The following ATP7B variants were observed in gnomAD, a reference collection of about 807,000 sequenced individuals.
ATP7B encodes the protein copper-transporting ATPase 2.
Under a neutral mutation model 118.9 loss-of-function variants are expected in ATP7B, and 113 were observed. That is an observed-to-expected ratio of 0.95 (90% CI 0.82 to 1.11). The LOEUF (loss-of-function observed/expected upper bound fraction) is 1.11. ATP7B is among the 50% of genes most tolerant of loss of function. The pLI is 0.00. For synonymous variants in ATP7B, 777 were observed against 727.4 expected (o/e 1.07, Z -1.10); for missense variants, 1,867 against 1,871.4 (o/e 1.00, Z 0.04).
chr13:52,008,588 A>G (rs1224250325), intron 1 of ATP7B, among the ~76,000 whole-genome samples: 1 of 152,218 alleles, frequency 6.6e-6, no homozygotes, highest in Non-Finnish European at 1.5e-5. Context: ...ATGAATAACA[A>G]AAGATGCTCT....
At chr13:51,942,355 A>C (rs760666435) in intron 15 of ATP7B, 31 bp downstream of exon 15, 6 of 1,613,014 alleles carry the variant, frequency 3.7e-6, no homozygotes, top group Non-Finnish European at 5.1e-6. Context: ...CTCTACTTTT[A>C]ACCAGCTGCA....
At chr13:51,960,669 T>C (rs910771187) in intron 6 of ATP7B, among the ~76,000 whole-genome samples, 1 of 152,206 alleles carries the variant, frequency 6.6e-6, no homozygotes, top group Non-Finnish European at 1.5e-5. Context: ...TGGTTGCCTA[T>C]AGCTTTCTTT....
chr13:51,937,638 G>C lies in ATP7B; in HGVS notation c.3741C>G (p.His1247Gln), dbSNP rs767464491. The change falls in exon 18 of 21, where the codon CAC becomes CAG. Residue 1247 changes from histidine (H) to glutamine (Q), a missense_variant. Coordinates refer to ENST00000242839, the MANE Select transcript of ATP7B (RefSeq NM_000053.4). Reference sequence around the variant, plus strand: ...GGAGCTCCTGGACCTTGGCCACCTTGTGCGAAGGCAGCACCTCTGCAAAGA... The same window carrying C: ...GGAGCTCCTGGACCTTGGCCACCTTCTGCGAAGGCAGCACCTCTGCAAAGA... ...NKVFAEVLPS[H>Q]KVAKVQELQN... is the part of the protein sequence containing the mutation. 6.2e-6 allele frequency: 10 copies of C among 1,614,140 alleles called. No individual in the cohort carries two copies. In the East Asian group the frequency reaches 6.7e-5, roughly 11 times the overall value.
chr13:51,965,013 C>A lies in ATP7B; in HGVS notation c.1728G>T (p.Ala576=). The stretch of plus-strand genomic sequence containing the variant: ...TGGACTCTATGTTGTGGACACAGGA[C>A]GCGCAGGTCATCCCTGTGATCTGCA... The part of the protein sequence containing the change: ...IELTITGMTC[A]SCVHNIESKL... The change falls in exon 5 of 21, where the codon GCG becomes GCT. Residue 576 remains alanine (A), a synonymous_variant. Transcript: ENST00000242839. 1.2e-6 allele frequency: 2 copies of A among 1,614,086 alleles called. No individual in the cohort carries two copies. Among genetic ancestry groups the A allele is most frequent in the Non-Finnish European group, 1.7e-6 (2 of 1,180,036 alleles).
At chr13:52,008,945 A>G (rs1267909252) in intron 1 of ATP7B, among the ~76,000 whole-genome samples, 4 of 151,748 alleles carry the variant, frequency 2.6e-5, no homozygotes, top group Admixed American at 2.0e-4. Context: ...TGGGATCACA[A>G]CTCACTGTAG....
chr13:51,985,256 G>A (rs185368952), intron 1 of ATP7B, among the ~76,000 whole-genome samples: 42 of 152,182 alleles, frequency 2.8e-4, no homozygotes, highest in Middle Eastern at 3.4e-3. Context: ...AAAAAAAGTC[G>A]GGGTTGGAAT....
Position 51,978,414 on chromosome 13 carries a change from T to C in ATP7B, c.52-3246A>G, listed in dbSNP as rs554105068. On this transcript the variant is annotated intron_variant, in intron 1 of 20. Coordinates refer to ENST00000242839, the MANE Select transcript of ATP7B (RefSeq NM_000053.4). ...CCACACTGGCACAGTCTTCCTACAT[T>C]GCTAGTGGGAGTGTAACCTCTCTGG... Among the ~76,000 whole-genome samples the C allele has an allele frequency of 2.0e-5, 3 of 152,336 alleles. No individual in the cohort carries two copies. In the South Asian group the frequency reaches 6.2e-4, roughly 32 times the overall value.
chr13:52,008,169 G>C (rs969139535), intron 1 of ATP7B, among the ~76,000 whole-genome samples: 3 of 151,980 alleles, frequency 2.0e-5, no homozygotes, highest in African/African-American at 7.3e-5. Flanking sequence ...GTGAAACCCC[G>C]TCTCCACTAA....
At chr13:51,981,536 A>C (rs930480951) in intron 1 of ATP7B, among the ~76,000 whole-genome samples, 1 of 152,178 alleles carries the variant, frequency 6.6e-6, no homozygotes, top group African/African-American at 2.4e-5. Context: ...GGCCTTATCT[A>C]AGAATTCTCT....
rs762078360 is a variant in ATP7B at position 51,934,929 on chromosome 13, T to G, written c.4225A>C (p.Arg1409=). The stretch of plus-strand genomic sequence containing the variant: ...GTGGCCCTGGGGGAGTCCCGCCACC[T>G]GTCATCCATGCCTATGTGCACACTG... ...QVSVHIGMDD[R]WRDSPRATPW... The change falls in exon 21 of 21, where the codon AGG becomes CGG. Residue 1409 remains arginine (R), a synonymous_variant. Transcript: ENST00000242839. The G allele has an allele frequency of 6.2e-7, 1 of 1,614,134 alleles. No individual in the cohort carries two copies. The highest frequency in any genetic ancestry group is 1.7e-5 in the Admixed American group (1 of 60,030).
At chr13:51,994,538 C>A (rs1953099450) in intron 1 of ATP7B, among the ~76,000 whole-genome samples, 2 of 152,278 alleles carry the variant, frequency 1.3e-5, no homozygotes, top group East Asian at 3.9e-4. Context: ...TGGTTAAAAA[C>A]CTGATAGCAA....
chr13:51,999,818 C>G (rs944751567), intron 1 of ATP7B, among the ~76,000 whole-genome samples: 14 of 152,300 alleles, frequency 9.2e-5, no homozygotes, highest in East Asian at 3.9e-4. Context: ...CCAACTACCC[C>G]CTAGTCCGCT....
Position 51,974,216 on chromosome 13 carries a change from C to T in ATP7B, c.1004G>A (p.Gly335Glu), listed in dbSNP as rs774508807. 5 of 1,613,818 alleles carry T rather than the reference C, an allele frequency of 3.1e-6. No homozygotes were observed. The highest frequency in any genetic ancestry group is 4.2e-6 in the Non-Finnish European group (5 of 1,179,950). Residue 335 changes from glycine to glutamate, a missense_variant, in exon 2 of 21, where the codon GGG becomes GAG. By Grantham distance (98) the Gly-to-Glu change is moderately conservative (BLOSUM62 -2). Transcript: ENST00000242839. Reference protein sequence around the residue: ...VSLPDGAEGSGTDHRSSSSHS... With the variant: ...VSLPDGAEGSETDHRSSSSHS... ...AGAACTGGAAGACCTGTGATCTGTC[C>T]CACTCCCTTCGGCTCCATCAGGAAG...
chr13:51,972,281 G>A (rs923261382), intron 2 of ATP7B, among the ~76,000 whole-genome samples: 13 of 152,184 alleles, frequency 8.5e-5, no homozygotes, highest in South Asian at 2.1e-4. Context: ...GTTAACCCGC[G>A]AAGATACGAT....
At chr13:51,961,257 AG>A (rs1020417212) in intron 6 of ATP7B, among the ~76,000 whole-genome samples, 53 of 151,646 alleles carry the variant, frequency 3.5e-4, no homozygotes, top group African/African-American at 1.2e-3. Context: ...CCTCCGAGAC[AG>A]GGAAAGTATT....
At chr13:51,950,762 A>G (rs1433859785) in intron 9 of ATP7B, among the ~76,000 whole-genome samples, 5 of 152,066 alleles carry the variant, frequency 3.3e-5, no homozygotes, top group Non-Finnish European at 7.4e-5. Flanking sequence ...AGGAGGAGAC[A>G]TGGAAGGGCT....
chr13:51,964,244 T>C (rs2139746898), intron 5 of ATP7B, among the ~76,000 whole-genome samples: 1 of 152,348 alleles, frequency 6.6e-6, no homozygotes, highest in East Asian at 1.9e-4. Context: ...TTATCCTTAC[T>C]AGCTGTTACA....
At chr13:51,947,124 A>G (rs1053513310) in intron 12 of ATP7B, among the ~76,000 whole-genome samples, 4 of 152,214 alleles carry the variant, frequency 2.6e-5, no homozygotes, top group Non-Finnish European at 4.4e-5. Context: ...CGAGGCAACT[A>G]TTGGAATGAT....
intron 17 of ATP7B, 136 bp downstream of exon 17, chr13:51,938,915 A>T: frequency 1.4e-6 from 2 of 1,389,130 alleles, no homozygotes; most frequent in Non-Finnish European, 2.0e-6. Context: ...CCACAGAATG[A>T]AACACGTGGA....
Sources: gnomAD v4.1 joint callset for allele counts (sites outside exome capture counted in the v4.1 genomes callset) on GRCh38, gnomAD v4.1.1 for gene constraint, MANE v1.5 for transcripts, NCBI Gene and HGNC (gene_info 2026-07-23, HGNC 2026-07-21) for gene names.